PWWP3B: variants seen among roughly 807,000 people sequenced by gnomAD.
PWWP3B encodes PWWP domain containing 3B, also known as PWWP domain-containing DNA repair factor 3B.
Under a neutral mutation model 15.7 loss-of-function variants are expected in PWWP3B, and 5 were observed. The observed-to-expected ratio is 0.32, with a 90% CI of 0.17 to 0.67. The LOEUF is 0.67. PWWP3B is among the 30% of genes least tolerant of loss of function. The pLI is 0.74. For missense variants in PWWP3B, 519 were observed against 493.1 expected, an observed-to-expected ratio of 1.05 and a Z score of -0.50; for synonymous variants, 203 against 179.8, an observed-to-expected ratio of 1.13 and a Z score of -1.03.
chrX:106,200,128 T>C (rs963931309), intron 2 of PWWP3B, among the ~76,000 whole-genome samples: 1 of 111,396 alleles, frequency 9.0e-6, no homozygotes, highest in African/African-American at 3.3e-5. Flanking sequence ...AAACCTTCCA[T>C]ATGGCTCTCC....
intron 1 of PWWP3B, among the ~76,000 whole-genome samples, chrX:106,169,184 G>A (rs945477860): frequency 2.7e-5 from 3 of 111,158 alleles, no homozygotes; most frequent in African/African-American, 6.5e-5. Context: ...TTTCTATGTC[G>A]GCATAGAAAC....
chrX:106,199,882 TATG>T (rs1454370733), intron 2 of PWWP3B, among the ~76,000 whole-genome samples: 1 of 111,494 alleles, frequency 9.0e-6, no homozygotes. Context: ...TCATTACAAA[TATG>T]ATATACGATT....
At chrX:106,188,951 G>A (rs1019619792) in intron 2 of PWWP3B, among the ~76,000 whole-genome samples, 4 of 112,332 alleles carry the variant, frequency 3.6e-5, no homozygotes, top group Non-Finnish European at 7.5e-5. Flanking sequence ...GATTAAAGTT[G>A]TTAAACATTC....
Position 106,185,040 on chromosome X carries a change from C to G in PWWP3B, c.-401+13901C>G, listed in dbSNP as rs139264771. Among the ~76,000 whole-genome samples the G allele has an allele frequency of 1.1e-4, 12 of 111,776 alleles. No individual in the cohort carries two copies. The East Asian group carries it at 3.4e-3, about 32-fold the overall frequency. ...TGCATGCTTTGCATAGTTGTGGATT[C>G]TCCTTCAATGAAAAGAAAGCTTGGG... On this transcript the variant is annotated intron_variant, in intron 2 of 3. Coordinates refer to ENST00000357175, the MANE Select transcript of PWWP3B (RefSeq NM_001171020.2).
chrX:106,195,646 A>G (rs1478626167), intron 2 of PWWP3B, among the ~76,000 whole-genome samples: 1 of 111,957 alleles, frequency 8.9e-6, no homozygotes, highest in Non-Finnish European at 1.9e-5. Flanking sequence ...GTCTCTTTGC[A>G]TTCTATTGAT....
At chrX:106,171,691 GC>G (rs1220683356) in intron 2 of PWWP3B, among the ~76,000 whole-genome samples, 2 of 110,808 alleles carry the variant, frequency 1.8e-5, no homozygotes, top group Non-Finnish European at 3.8e-5. Context: ...ATATGGTATA[GC>G]CTACTACACA....
At chrX:106,188,178 ATAAT>A (rs1922633810) in intron 2 of PWWP3B, among the ~76,000 whole-genome samples, 1 of 112,116 alleles carries the variant, frequency 8.9e-6, no homozygotes. Context: ...AATGAAAGAG[ATAAT>A]TAATGAAGAC....
At chrX:106,194,164 A>C (rs1923207148) in intron 2 of PWWP3B, among the ~76,000 whole-genome samples, 1 of 111,752 alleles carries the variant, frequency 8.9e-6, no homozygotes, top group Non-Finnish European at 1.9e-5. Flanking sequence ...TCTCCCCGTC[A>C]CTTTCAGGTA....
intron 2 of PWWP3B, among the ~76,000 whole-genome samples, chrX:106,195,894 A>C (rs2147624200): frequency 9.0e-6 from 1 of 111,721 alleles, no homozygotes; most frequent in African/African-American, 3.2e-5. Context: ...ATAACATCCT[A>C]AAAATTAGTA....
At chrX:106,174,016 T>C (rs900290523) in intron 2 of PWWP3B, among the ~76,000 whole-genome samples, 2 of 111,926 alleles carry the variant, frequency 1.8e-5, no homozygotes, top group African/African-American at 6.5e-5. Flanking sequence ...AGCTAAACAT[T>C]GGGTCCTGCC....
intron 2 of PWWP3B, among the ~76,000 whole-genome samples, chrX:106,179,626 G>A (rs1922081189): frequency 9.0e-6 from 1 of 111,715 alleles, no homozygotes; most frequent in Admixed American, 9.6e-5. Context: ...AACCACAAAA[G>A]TGCCAAGCAG....
chrX:106,192,121 A>G (rs762873217), intron 2 of PWWP3B, among the ~76,000 whole-genome samples: 157 of 111,725 alleles, frequency 1.4e-3, no homozygotes, highest in Non-Finnish European at 2.4e-3. Context: ...GAATGGTACC[A>G]CCTACTTTTT....
chrX:106,206,513 C>A lies in PWWP3B; in HGVS notation c.1081C>A (p.Pro361Thr). Residue 361 changes from proline to threonine, a missense_variant, in exon 4 of 4, where the codon CCA becomes ACA. Transcript: ENST00000357175. ...EGQASDKSLL[P>T]SRINLSLLDD... is the part of the protein sequence containing the mutation. ...TCAAGCCTCTGACAAGTCATTGCTT[C>A]CAAGTCGCATTAATCTTTCTCTATT... The A allele has an allele frequency of 1.7e-6, 2 of 1,207,246 alleles. No homozygotes were observed. The highest frequency in any genetic ancestry group is 2.2e-6 in the Non-Finnish European group (2 of 893,607).
intron 2 of PWWP3B, among the ~76,000 whole-genome samples, chrX:106,183,350 G>A (rs1430647818): frequency 9.0e-6 from 1 of 111,630 alleles, no homozygotes; most frequent in Non-Finnish European, 1.9e-5. Context: ...TACTTTATGA[G>A]CTTCAGGTCT....
Position 106,206,210 on chromosome X carries a change from G to C in PWWP3B, c.778G>C (p.Asp260His). The C allele has an allele frequency of 8.3e-7, 1 of 1,205,759 alleles. No homozygotes were observed. The highest frequency in any genetic ancestry group is 1.1e-6 in the Non-Finnish European group (1 of 892,447). ...CAAAGCTTTGAAAGAAGAGAGCGAG[G>C]ATACCTGCCTAGAGACCCTGGCTGT... The part of the protein sequence containing the change: ...MPKALKEESE[D>H]TCLETLAVPS... The change falls in exon 4 of 4, where the codon GAT (aspartate) becomes CAT (histidine). Residue 260 changes from aspartate to histidine, a missense_variant. By Grantham distance (81) the Asp-to-His change is moderately conservative. Coordinates refer to ENST00000357175, the MANE Select transcript of PWWP3B (RefSeq NM_001171020.2).
chrX:106,189,425 C>T (rs1282695348), intron 2 of PWWP3B, among the ~76,000 whole-genome samples: 2 of 108,840 alleles, frequency 1.8e-5, no homozygotes, highest in African/African-American at 6.7e-5. Context: ...GTTCCCCTTT[C>T]TGTGTCCATG....
At position 106,205,427 on chromosome X, in the gene PWWP3B, A is replaced by C. The variant is rs1391663037; in HGVS notation, c.-6A>C. ...AATAACCCTTGGCACACAAATATAA[A>C]CCATAATGGAGTCTGAGTATGTCCT... On this transcript the variant is annotated 5_prime_UTR_variant, in exon 4 of 4. Coordinates refer to ENST00000357175, the MANE Select transcript of PWWP3B (RefSeq NM_001171020.2). 3.6e-6 allele frequency: 4 copies of C among 1,124,305 alleles called. No individual in the cohort carries two copies. In the East Asian group the frequency reaches 1.2e-4, roughly 35 times the overall value. The allele number at this position is 1,124,305 out of a possible 1,213,427, so 92.7% of individuals were successfully genotyped here.
Position 106,207,555 on chromosome X carries a change from C to T in PWWP3B, c.*32C>T. 1 of 1,107,702 alleles carries T rather than the reference C, an allele frequency of 9.0e-7. No individual in the cohort carries two copies. The highest frequency in any genetic ancestry group is 1.2e-6 in the Non-Finnish European group (1 of 846,027). The allele number at this position is 1,107,702 out of a possible 1,213,427, so 91.3% of individuals were successfully genotyped here. ...TGAAAGTTGAAACCATGACAGGGAG[C>T]TCTCATAGATACTAGTTGAAAAAAG... On this transcript the variant is annotated 3_prime_UTR_variant, in exon 4 of 4. Coordinates refer to ENST00000357175, the MANE Select transcript of PWWP3B (RefSeq NM_001171020.2).
chrX:106,185,394 G>A (rs750572833), intron 2 of PWWP3B, among the ~76,000 whole-genome samples: 114 of 111,223 alleles, frequency 1.0e-3, no homozygotes, highest in Non-Finnish European at 1.5e-3. Flanking sequence ...CCTGCTGATC[G>A]GAATAGTTGG....
Sources: allele counts gnomAD v4.1 joint callset (sites outside exome capture counted in the v4.1 genomes callset), GRCh38; gene constraint gnomAD v4.1.1; transcripts MANE v1.5; gene names NCBI Gene and HGNC (gene_info 2026-07-23, HGNC 2026-07-21).